Variants in PHLDB2 observed in about 807,000 individuals in gnomAD.
PHLDB2 encodes pleckstrin homology-like domain family B member 2.
A neutral mutation model predicts 123.6 loss-of-function variants in PHLDB2; 71 were observed. That is an observed-to-expected ratio of 0.57 (90% CI 0.47 to 0.70). The LOEUF is 0.70. Ranked by LOEUF, PHLDB2 falls within the 30% of genes least tolerant of loss-of-function variation. The pLI, the probability that PHLDB2 is intolerant of heterozygous loss-of-function variation, is 0.00. For synonymous variants in PHLDB2, 547 were observed against 541.6 expected, an observed-to-expected ratio of 1.01 and a Z score of -0.14; for missense variants, 1,446 against 1,519.5, an observed-to-expected ratio of 0.95 and a Z score of 0.80.
intron 1 of PHLDB2, among the ~76,000 whole-genome samples, chr3:111,814,124 A>G (rs6809414): frequency 0.33 from 49,918 of 151,946 alleles, 8,580 homozygotes; most frequent in East Asian, 0.42. Context: ...CCACTGTGAT[A>G]GTTAATACTG....
intron 4 of PHLDB2, among the ~76,000 whole-genome samples, chr3:111,919,819 G>T (rs997076272): frequency 1.3e-5 from 2 of 152,218 alleles, no homozygotes; most frequent in Non-Finnish European, 2.9e-5. Context: ...CCCTTAAGTG[G>T]TTAGGGGACT....
chr3:111,873,460 T>C (rs116624211), intron 1 of PHLDB2, among the ~76,000 whole-genome samples: 3 of 152,236 alleles, frequency 2.0e-5, no homozygotes, highest in Non-Finnish European at 4.4e-5. Context: ...AGTATATTAA[T>C]GTATTTTATC....
intron 8 of PHLDB2, among the ~76,000 whole-genome samples, chr3:111,943,668 C>A (rs2070071768): frequency 6.6e-6 from 1 of 152,058 alleles, no homozygotes; most frequent in Non-Finnish European, 1.5e-5. Flanking sequence ...GTCATCAAGG[C>A]AATATGAATT....
chr3:111,898,754 T>G (rs1303173018), intron 2 of PHLDB2, among the ~76,000 whole-genome samples: 2 of 152,208 alleles, frequency 1.3e-5, no homozygotes, highest in African/African-American at 4.8e-5. Context: ...TTTTCTTCAC[T>G]CATCCATATG....
intron 1 of PHLDB2, among the ~76,000 whole-genome samples, chr3:111,735,203 A>C (rs16858490): frequency 0.018 from 2,716 of 152,292 alleles, 82 homozygotes; most frequent in African/African-American, 0.061. Flanking sequence ...TTTAAATCTA[A>C]GAGACTTGGG....
chr3:111,791,900 C>A (rs2060944170), intron 1 of PHLDB2, among the ~76,000 whole-genome samples: 1 of 152,152 alleles, frequency 6.6e-6, no homozygotes, highest in African/African-American at 2.4e-5. Context: ...CTACTGTGTT[C>A]TCAAACACTA....
rs754129493 is a variant in PHLDB2 at position 111,952,641 on chromosome 3, C to T, written c.2701C>T (p.Arg901Ter). Residue 901 changes from arginine (R) to a stop codon, truncating the protein, a stop_gained, in exon 11 of 18, where the codon CGA becomes TGA. Transcript: ENST00000431670. LOFTEE classifies it high-confidence loss of function. ...EGLYLSDTLPRKKTTSSISPH... is the reference protein window; with the variant it reads ...EGLYLSDTLP ...CCTCTATCTGAGTGATACTTTGCCT[C>T]GAAAGAAAACCACATCTTCCATCTC... The T allele has an allele frequency of 8.7e-6, 14 of 1,613,800 alleles. No homozygotes were observed. The highest frequency in any genetic ancestry group is 4.5e-5 in the East Asian group (2 of 44,884).
At chr3:111,737,918 G>C (rs932855030) in intron 1 of PHLDB2, among the ~76,000 whole-genome samples, 1 of 152,114 alleles carries the variant, frequency 6.6e-6, no homozygotes, top group African/African-American at 2.4e-5. Context: ...AAGGTAAACA[G>C]CTGAAAACTT....
exon 1 of PHLDB2, chr3:111,732,618 G>A: frequency 6.5e-7 from 1 of 1,535,064 alleles, no homozygotes. Flanking sequence ...ACTCTCTTCA[G>A]CAATCGCTGG....
chr3:111,875,573 A>C (rs1576965723), intron 1 of PHLDB2, among the ~76,000 whole-genome samples: 1 of 151,730 alleles, frequency 6.6e-6, no homozygotes, highest in African/African-American at 2.4e-5. Context: ...CTGTAATCCC[A>C]GCACTTTGGG....
At position 111,972,442 on chromosome 3, in the gene PHLDB2, G is replaced by C. The variant is rs559872430; in HGVS notation, c.3536-1290G>C. On this transcript the variant is annotated intron_variant, in intron 16 of 17. Transcript: ENST00000431670. The stretch of plus-strand genomic sequence containing the variant: ...AGACTAGCTTTTTGTAGTTAAAAAG[G>C]GACATTCACCTAGTAAAAAATTCAA... 4.6e-5 allele frequency among the ~76,000 whole-genome samples: 7 copies of C among 152,068 alleles called. No individual in the cohort carries two copies. The East Asian group carries it at 1.2e-3, about 25-fold the overall frequency.
At chr3:111,737,529 G>T (rs2059530818) in intron 1 of PHLDB2, among the ~76,000 whole-genome samples, 1 of 152,102 alleles carries the variant, frequency 6.6e-6, no homozygotes, top group South Asian at 2.1e-4. Flanking sequence ...AGGAACTGAA[G>T]GTCACAAAAT....
At chr3:111,872,191 T>C (rs1292943) in intron 1 of PHLDB2, among the ~76,000 whole-genome samples, 149,470 of 152,366 alleles carry the variant, frequency 0.98, 73,384 homozygotes, top group East Asian at 1. Context: ...TGTGGATACA[T>C]ATGTAATAAG....
At chr3:111,732,730 C>T in intron 1 of PHLDB2, 1 of 1,512,122 alleles carries the variant, frequency 6.6e-7, no homozygotes, top group South Asian at 1.2e-5. Flanking sequence ...GTCACTGGCC[C>T]TTCTCTTGTA....
chr3:111,752,800 G>C (rs55938712), intron 1 of PHLDB2, among the ~76,000 whole-genome samples: 82,016 of 147,852 alleles, frequency 0.55, 24,969 homozygotes, highest in African/African-American at 0.83. Flanking sequence ...CCTCCCCACT[G>C]CCCCCACCCC....
chr3:111,749,563 A>AT (rs2059736101), intron 1 of PHLDB2, among the ~76,000 whole-genome samples: 1 of 152,152 alleles, frequency 6.6e-6, no homozygotes, highest in African/African-American at 2.4e-5. Flanking sequence ...GTTAAATTTA[A>AT]TTTGTCAACC....
chr3:111,887,955 A>G (rs1399868547), intron 2 of PHLDB2, among the ~76,000 whole-genome samples: 1 of 152,140 alleles, frequency 6.6e-6, no homozygotes, highest in African/African-American at 2.4e-5. Flanking sequence ...AAGCTCACAG[A>G]GAAAGTAGAG....
chr3:111,744,018 T>C (rs760477924), intron 1 of PHLDB2, among the ~76,000 whole-genome samples: 14 of 152,192 alleles, frequency 9.2e-5, no homozygotes, highest in Non-Finnish European at 1.3e-4. Flanking sequence ...AAAATAGAAA[T>C]AGTGAACTGA....
intron 4 of PHLDB2, among the ~76,000 whole-genome samples, chr3:111,920,019 A>G (rs1439320603): frequency 6.6e-6 from 1 of 152,160 alleles, no homozygotes; most frequent in East Asian, 1.9e-4. Flanking sequence ...TATCCTTGAG[A>G]AGTGAGCAGA....
Sources: allele counts gnomAD v4.1 joint callset (sites outside exome capture counted in the v4.1 genomes callset), GRCh38; gene constraint gnomAD v4.1.1; transcripts MANE v1.5; gene names NCBI Gene and HGNC (gene_info 2026-07-23, HGNC 2026-07-21).